MAGI2: variants seen among roughly 807,000 people sequenced by gnomAD.
MAGI2 encodes membrane-associated guanylate kinase, WW and PDZ domain-containing protein 2.
MAGI2 carries 35 observed loss-of-function variants against 133.3 expected under a neutral mutation model. That is an observed-to-expected ratio of 0.26 (90% confidence interval 0.20 to 0.35). MAGI2 has a LOEUF of 0.35. Among genes scored for constraint, MAGI2 ranks in the 10% least tolerant of loss-of-function variants. The pLI is 1.00. For missense variants in MAGI2, 1,636 were observed against 1,863.4 expected, an observed-to-expected ratio of 0.88 and a Z score of 2.25; for synonymous variants, 729 against 710.6, an observed-to-expected ratio of 1.03 and a Z score of -0.41.
chr7:78,381,263 C>T (rs1794897501), intron 6 of MAGI2, among the ~76,000 whole-genome samples: 2 of 152,078 alleles, frequency 1.3e-5, no homozygotes, highest in South Asian at 4.1e-4. Flanking sequence ...AAGAGAATGG[C>T]TTTAACTCAG....
At chr7:78,803,842 GAGAA>G (rs1463752761) in intron 2 of MAGI2, among the ~76,000 whole-genome samples, 3 of 152,046 alleles carry the variant, frequency 2.0e-5, no homozygotes, top group African/African-American at 7.2e-5. Flanking sequence ...GTTTGTCATC[GAGAA>G]AGAAAGTCTA....
At chr7:79,099,462 A>G (rs901101154) in intron 1 of MAGI2, among the ~76,000 whole-genome samples, 11 of 152,132 alleles carry the variant, frequency 7.2e-5, no homozygotes, top group African/African-American at 2.7e-4. Flanking sequence ...TTATTACATT[A>G]TTTTAATTTT....
At chr7:78,773,327 CA>C (rs879464235) in intron 2 of MAGI2, among the ~76,000 whole-genome samples, 148 of 142,800 alleles carry the variant, frequency 1.0e-3, no homozygotes, top group Middle Eastern at 3.6e-3. Context: ...AGGCCAGTCC[CA>C]AAAAAAAAAA....
chr7:78,190,889 C>A lies in MAGI2; in HGVS notation c.2269+3985G>T, dbSNP rs576703317. 6.9e-4 allele frequency among the ~76,000 whole-genome samples: 105 copies of A among 152,294 alleles called. 1 individual carries two copies. The highest frequency in any genetic ancestry group is 2.5e-3 in the African/African-American group (102 of 41,558). ...CAGAGAAAAGAGAAGTAAAACATAG[C>A]ACGGCTTGTCCCACTATGGAAAGGT... On this transcript the variant is annotated intron_variant, in intron 12 of 21. Coordinates refer to ENST00000354212, the MANE Select transcript of MAGI2 (RefSeq NM_012301.4).
At chr7:78,578,147 A>G (rs1169176928) in intron 3 of MAGI2, among the ~76,000 whole-genome samples, 1 of 152,050 alleles carries the variant, frequency 6.6e-6, no homozygotes, top group Non-Finnish European at 1.5e-5. Context: ...GGATGATCAT[A>G]AAACATGTTT....
rs190424311 is a variant in MAGI2 at position 78,944,055 on chromosome 7, A to G, written c.418+63035T>C. ...GCTTATAGTAGGTGTGACACACACT[A>G]AGTACACAGGTGCTAAGTAAATTCC... On this transcript the variant is annotated intron_variant, in intron 2 of 21. Transcript: ENST00000354212. Among the ~76,000 whole-genome samples, 44 of 152,298 alleles carry G rather than the reference A, an allele frequency of 2.9e-4. No individual in the cohort carries two copies. The South Asian group carries it at 5.8e-3, about 20-fold the overall frequency.
At chr7:78,949,945 C>A (rs1801733487) in intron 2 of MAGI2, among the ~76,000 whole-genome samples, 2 of 152,158 alleles carry the variant, frequency 1.3e-5, no homozygotes. Flanking sequence ...AGGCTTGTTT[C>A]TGGGAGATAC....
At chr7:78,296,247 A>T (rs1226049338) in intron 9 of MAGI2, among the ~76,000 whole-genome samples, 1 of 152,176 alleles carries the variant, frequency 6.6e-6, no homozygotes, top group African/African-American at 2.4e-5. Flanking sequence ...ACTGTGTTCT[A>T]TGAGGTCCTA....
chr7:79,278,743 G>A lies in MAGI2; in HGVS notation c.301+174277C>T, dbSNP rs529381914. Among the ~76,000 whole-genome samples the A allele has an allele frequency of 1.8e-4, 28 of 152,252 alleles. No homozygotes were observed. The South Asian group carries it at 5.8e-3, about 32-fold the overall frequency. On this transcript the variant is annotated intron_variant, in intron 1 of 21. Transcript: ENST00000354212. ...CTGCTTATAGACAGTGGGCTATGAA[G>A]GAAAGAGCACTGCTTTAGGAATCAG...
rs930528775 is a variant in MAGI2 at position 78,617,422 on chromosome 7, T to C, written c.538+9698A>G. On this transcript the variant is annotated intron_variant, in intron 3 of 21. Transcript: ENST00000354212. Reference sequence around the variant, plus strand: ...GCAGCCATCTTATGTGGACAATTGATCCTGATTTTGTCTGGTTGCTACATA... The same window carrying C: ...GCAGCCATCTTATGTGGACAATTGACCCTGATTTTGTCTGGTTGCTACATA... 5 of 152,108 alleles carry C rather than the reference T, an allele frequency of 3.3e-5. No individual in the cohort carries two copies. In the East Asian group the frequency reaches 9.6e-4, roughly 29 times the overall value. 9.4% of individuals were successfully genotyped at this position (152,108 alleles called of 1,614,324 possible).
intron 2 of MAGI2, among the ~76,000 whole-genome samples, chr7:78,901,956 A>G (rs1797648389): frequency 6.6e-6 from 1 of 152,182 alleles, no homozygotes. Context: ...ACATCCCAGC[A>G]ATAAGGAAAA....
chr7:79,228,892 A>G (rs1006249237), intron 1 of MAGI2, among the ~76,000 whole-genome samples: 5 of 152,238 alleles, frequency 3.3e-5, no homozygotes, highest in African/African-American at 1.2e-4. Context: ...AGTAGGGGCA[A>G]TGGTTTGGTG....
chr7:79,405,373 A>G (rs1585861493), intron 1 of MAGI2, among the ~76,000 whole-genome samples: 1 of 152,298 alleles, frequency 6.6e-6, no homozygotes, highest in African/African-American at 2.4e-5. Flanking sequence ...GCATGTCAAA[A>G]TTCAACTTTT....
rs145380078 is a variant in MAGI2 at position 79,101,117 on chromosome 7, C to T, written c.302-93911G>A. ...TTATTTTAATTAATATTTTTCTTTACAAAAACATTATACTTATTTTTCAAA... is the reference window on the plus strand; with the variant it reads ...TTATTTTAATTAATATTTTTCTTTATAAAAACATTATACTTATTTTTCAAA... On this transcript the variant is annotated intron_variant, in intron 1 of 21. Coordinates refer to ENST00000354212, the MANE Select transcript of MAGI2 (RefSeq NM_012301.4). Among the ~76,000 whole-genome samples, 32 of 151,796 alleles carry T rather than the reference C, an allele frequency of 2.1e-4. No individual in the cohort carries two copies. The East Asian group carries it at 5.8e-3, about 28-fold the overall frequency.
intron 21 of MAGI2, among the ~76,000 whole-genome samples, chr7:78,059,476 T>C (rs1484624111): frequency 2.0e-5 from 3 of 152,214 alleles, no homozygotes; most frequent in South Asian, 4.1e-4. Context: ...CCCTATGCTC[T>C]AGATATATCA....
intron 2 of MAGI2, among the ~76,000 whole-genome samples, 163 bp from the exon 3 acceptor site, chr7:78,627,402 AG>A (rs1808485166): frequency 6.6e-6 from 1 of 152,214 alleles, no homozygotes. Flanking sequence ...AGAAAACAGC[AG>A]GGGGTAAAGA....
intron 2 of MAGI2, among the ~76,000 whole-genome samples, chr7:79,001,765 C>T (rs1025834787): frequency 2.0e-5 from 3 of 152,070 alleles, no homozygotes; most frequent in South Asian, 2.1e-4. Flanking sequence ...CATATATTTT[C>T]GAATCCATAT....
chr7:79,157,319 C>T lies in MAGI2; in HGVS notation c.302-150113G>A, dbSNP rs367615434. Among the ~76,000 whole-genome samples the T allele has an allele frequency of 1.8e-3, 278 of 151,912 alleles. 2 individuals carry two copies. Among genetic ancestry groups the T allele is most frequent in the African/African-American group, 5.9e-3 (246 of 41,458 alleles). On this transcript the variant is annotated intron_variant, in intron 1 of 21. Coordinates refer to ENST00000354212, the MANE Select transcript of MAGI2 (RefSeq NM_012301.4). ...ACCTCACAACATGCAGTGGCCCTACCGGGAAATTCCCAACAAAAATTAATT... is the reference window on the plus strand; with the variant it reads ...ACCTCACAACATGCAGTGGCCCTACTGGGAAATTCCCAACAAAAATTAATT...
chr7:78,466,246 C>A (rs1002026124), intron 6 of MAGI2, among the ~76,000 whole-genome samples: 1 of 152,222 alleles, frequency 6.6e-6, no homozygotes, highest in African/African-American at 2.4e-5. Flanking sequence ...TTTGTGCTCC[C>A]TTTCCACTCA....
Sources: allele counts gnomAD v4.1 joint callset (sites outside exome capture counted in the v4.1 genomes callset), GRCh38; gene constraint gnomAD v4.1.1; transcripts MANE v1.5; gene names NCBI Gene and HGNC (gene_info 2026-07-23, HGNC 2026-07-21).